Variants in IL1RAPL1 observed in about 807,000 individuals in gnomAD.
IL1RAPL1 encodes the protein interleukin 1 receptor accessory protein like 1, also known as interleukin-1 receptor accessory protein-like 1.
In IL1RAPL1, 3 loss-of-function variants were observed where a neutral mutation model predicts 48.4. The observed-to-expected ratio is 0.06, with a 90% CI of 0.03 to 0.16. The LOEUF is 0.16. Ranked by LOEUF, IL1RAPL1 falls within the 10% of genes least tolerant of loss-of-function variation. IL1RAPL1 has a pLI of 1.00. For missense variants in IL1RAPL1, 349 were observed against 530.6 expected, an observed-to-expected ratio of 0.66 and a Z score of 3.36; for synonymous variants, 185 against 187.7, an observed-to-expected ratio of 0.99 and a Z score of 0.12.
chrX:29,595,587 G>A (rs1043683247), intron 5 of IL1RAPL1, among the ~76,000 whole-genome samples: 1 of 111,350 alleles, frequency 9.0e-6, no homozygotes, highest in Admixed American at 9.5e-5. Flanking sequence ...TGATGGGATT[G>A]TTTGTTTTTT....
At chrX:29,872,663 T>C (rs1389997815) in intron 6 of IL1RAPL1, among the ~76,000 whole-genome samples, 7 of 111,992 alleles carry the variant, frequency 6.3e-5, no homozygotes, top group African/African-American at 9.7e-5. Context: ...TTAGTCTTTC[T>C]GACTAATTGT....
intron 6 of IL1RAPL1, among the ~76,000 whole-genome samples, chrX:29,675,869 G>A (rs866084489): frequency 1.5e-4 from 17 of 112,528 alleles, no homozygotes; most frequent in South Asian, 1.5e-3. Context: ...GATTACAGGC[G>A]TGAGCCACCA....
intron 6 of IL1RAPL1, among the ~76,000 whole-genome samples, chrX:29,878,278 C>T (rs1045872912): frequency 8.9e-6 from 1 of 111,863 alleles, no homozygotes; most frequent in Non-Finnish European, 1.9e-5. Context: ...ATTTCTCTAG[C>T]GTCTTCTACC....
intron 5 of IL1RAPL1, among the ~76,000 whole-genome samples, chrX:29,652,578 C>A (rs1486946219): frequency 8.9e-6 from 1 of 111,818 alleles, no homozygotes; most frequent in African/African-American, 3.2e-5. Flanking sequence ...TAGTTCCAGA[C>A]TTTACAGGAG....
intron 2 of IL1RAPL1, among the ~76,000 whole-genome samples, chrX:29,248,531 A>G (rs1046120767): frequency 8.9e-6 from 1 of 112,821 alleles, no homozygotes; most frequent in African/African-American, 3.2e-5. Flanking sequence ...AAATGCACAT[A>G]TGATATGAAT....
chrX:29,910,272 C>A (rs1932741437), intron 6 of IL1RAPL1, among the ~76,000 whole-genome samples: 1 of 110,537 alleles, frequency 9.0e-6, no homozygotes, highest in African/African-American at 3.3e-5. Flanking sequence ...AAACTACCTA[C>A]CAGATACCAT....
chrX:29,832,427 G>A (rs1466516612), intron 6 of IL1RAPL1, among the ~76,000 whole-genome samples: 2 of 111,557 alleles, frequency 1.8e-5, no homozygotes, highest in East Asian at 2.8e-4. Context: ...AAATTTGGGG[G>A]TGTGAGTCGG....
At chrX:29,544,569 G>A (rs773537511) in intron 5 of IL1RAPL1, among the ~76,000 whole-genome samples, 1 of 111,728 alleles carries the variant, frequency 9.0e-6, no homozygotes, top group African/African-American at 3.2e-5. Context: ...TATTGCTCTG[G>A]ACCTTTTTTC....
intron 5 of IL1RAPL1, among the ~76,000 whole-genome samples, chrX:29,403,151 A>T (rs764716191): frequency 1.3e-4 from 15 of 112,577 alleles, no homozygotes; most frequent in African/African-American, 4.8e-4. Context: ...GCTACATGAG[A>T]TATATGTCTG....
chrX:29,574,089 C>A (rs1184018684), intron 5 of IL1RAPL1, among the ~76,000 whole-genome samples: 1 of 109,948 alleles, frequency 9.1e-6, no homozygotes, highest in Admixed American at 9.7e-5. Flanking sequence ...ACAGACTGTA[C>A]AGGAAACATG....
chrX:28,750,115 G>A (rs1936024586), intron 1 of IL1RAPL1, among the ~76,000 whole-genome samples: 1 of 109,150 alleles, frequency 9.2e-6, no homozygotes, highest in Non-Finnish European at 1.9e-5. Flanking sequence ...ACCACCCCTG[G>A]CTAATTTTTG....
At chrX:29,274,529 G>T (rs1932089668) in intron 2 of IL1RAPL1, among the ~76,000 whole-genome samples, 1 of 112,069 alleles carries the variant, frequency 8.9e-6, no homozygotes, top group African/African-American at 3.2e-5. Context: ...TTATTCATGT[G>T]AAAGCATATG....
chrX:28,660,086 GGTGTGTGTGTGT>G (rs60600833), intron 1 of IL1RAPL1, among the ~76,000 whole-genome samples: 1,133 of 76,423 alleles, frequency 0.015, 16 homozygotes, highest in African/African-American at 0.046. Flanking sequence ...GAGTGAGGAT[GGTGTGTGTGTGT>G]GTGTGTGTGT....
intron 2 of IL1RAPL1, among the ~76,000 whole-genome samples, chrX:28,885,221 A>G (rs1922599636): frequency 1.8e-5 from 2 of 111,745 alleles, no homozygotes; most frequent in Admixed American, 1.9e-4. Context: ...TATTATAATC[A>G]GTTTTCTACA....
intron 5 of IL1RAPL1, among the ~76,000 whole-genome samples, chrX:29,551,272 C>T (rs1026492710): frequency 9.0e-6 from 1 of 111,711 alleles, no homozygotes; most frequent in Non-Finnish European, 1.9e-5. Flanking sequence ...CTACTAGGAC[C>T]GTGGGAGTAG....
intron 2 of IL1RAPL1, among the ~76,000 whole-genome samples, chrX:29,078,105 A>C (rs941474451): frequency 9.0e-6 from 1 of 111,635 alleles, no homozygotes; most frequent in Non-Finnish European, 1.9e-5. Flanking sequence ...CTCCGTGTCT[A>C]CTAAAAATAC....
intron 6 of IL1RAPL1, among the ~76,000 whole-genome samples, chrX:29,737,037 C>T (rs750973336): frequency 1.8e-5 from 2 of 111,572 alleles, no homozygotes; most frequent in South Asian, 3.8e-4. Flanking sequence ...GTGATCAAAT[C>T]GGACACATTC....
At chrX:29,331,021 G>T (rs912404455) in intron 3 of IL1RAPL1, among the ~76,000 whole-genome samples, 1 of 110,559 alleles carries the variant, frequency 9.0e-6, no homozygotes. Context: ...GCAAAAATTA[G>T]CTGGGTGTGG....
intron 2 of IL1RAPL1, among the ~76,000 whole-genome samples, chrX:28,988,697 TA>T (rs765596639): frequency 7.0e-4 from 79 of 112,224 alleles, no homozygotes; most frequent in African/African-American, 2.5e-3. Flanking sequence ...TAGAGATTTT[TA>T]AAACCTGATC....
Sources: gnomAD v4.1 joint callset for allele counts (sites outside exome capture counted in the v4.1 genomes callset) on GRCh38, gnomAD v4.1.1 for gene constraint, MANE v1.5 for transcripts, NCBI Gene and HGNC (gene_info 2026-07-23, HGNC 2026-07-21) for gene names.